UBE3C: variants seen among roughly 807,000 people sequenced by gnomAD.
UBE3C encodes ubiquitin protein ligase E3C.
Under a neutral mutation model 129.4 loss-of-function variants are expected in UBE3C, and 42 were observed. The observed-to-expected ratio is 0.32, with a 90% confidence interval of 0.25 to 0.42. The LOEUF is 0.42. Ranked by LOEUF, UBE3C falls within the 10% of genes least tolerant of loss-of-function variation. The pLI, the probability that UBE3C is intolerant of heterozygous loss-of-function variation, is 1.00. For missense variants in UBE3C, 1,049 were observed against 1,319.1 expected (o/e 0.80, Z 3.17); for synonymous variants, 510 against 492.4 (o/e 1.04, Z -0.47).
chr7:157,164,183 T>C (rs1368427416), intron 2 of UBE3C, among the ~76,000 whole-genome samples: 3 of 151,974 alleles, frequency 2.0e-5, no homozygotes, highest in African/African-American at 7.2e-5. Context: ...TTTAAGATAC[T>C]GAGTCTTGCT....
intron 4 of UBE3C, among the ~76,000 whole-genome samples, chr7:157,172,008 G>T (rs1441900140): frequency 6.7e-6 from 1 of 148,408 alleles, no homozygotes; most frequent in Non-Finnish European, 1.5e-5. Flanking sequence ...ACCTGGCCTA[G>T]GTTAAATATG....
intron 22 of UBE3C, among the ~76,000 whole-genome samples, chr7:157,266,900 A>G (rs984386938): frequency 2.6e-5 from 4 of 151,798 alleles, no homozygotes; most frequent in African/African-American, 9.7e-5. Context: ...ACACCTGGCT[A>G]ATTGTTTTGA....
chr7:157,191,206 C>CA (rs770712137), intron 10 of UBE3C, among the ~76,000 whole-genome samples: 7 of 152,196 alleles, frequency 4.6e-5, no homozygotes, highest in Non-Finnish European at 1.0e-4. Flanking sequence ...TTTAGATAAA[C>CA]AGCGGTGCGC....
chr7:157,190,695 TGAA>T (rs1808936516), intron 10 of UBE3C, among the ~76,000 whole-genome samples: 1 of 152,228 alleles, frequency 6.6e-6, no homozygotes, highest in African/African-American at 2.4e-5. Flanking sequence ...TGCATTCTCT[TGAA>T]CAGTGTAGAC....
At chr7:157,163,490 A>G (rs1042530600) in intron 1 of UBE3C, among the ~76,000 whole-genome samples, 7 of 152,148 alleles carry the variant, frequency 4.6e-5, no homozygotes, top group Non-Finnish European at 7.3e-5. Flanking sequence ...AAGATGTCAC[A>G]GCTAGAACTC....
chr7:157,155,816 G>A (rs1314231914), intron 1 of UBE3C, among the ~76,000 whole-genome samples: 1 of 152,200 alleles, frequency 6.6e-6, no homozygotes, highest in Non-Finnish European at 1.5e-5. Context: ...CAGAGCAGTT[G>A]GCTGTGCTCA....
At chr7:157,218,364 G>A (rs1490706110) in intron 14 of UBE3C, among the ~76,000 whole-genome samples, 1 of 150,714 alleles carries the variant, frequency 6.6e-6, no homozygotes, top group Non-Finnish European at 1.5e-5. Flanking sequence ...CAGGAGAATC[G>A]CTTGAACCTG....
chr7:157,210,422 T>C (rs1305625273), intron 13 of UBE3C, among the ~76,000 whole-genome samples: 1 of 152,208 alleles, frequency 6.6e-6, no homozygotes, highest in Non-Finnish European at 1.5e-5. Context: ...AGCTGTTCTT[T>C]TAAGAAAATA....
In UBE3C at chr7:157,182,204, G is replaced by C. The variant is rs1349496398; in HGVS notation, c.867G>C (p.Gln289His). ...HFIIPALADA[Q>H]TVFPYEPFLN... is the part of the protein sequence containing the mutation. ...TCATTCCGGCGCTTGCAGATGCGCA[G>C]ACCGTTTTCCCTTACGAGCCCTTTC... The change falls in exon 8 of 23, where the codon CAG becomes CAC. Residue 289 changes from glutamine (Q) to histidine (H), a missense_variant. Gln to His is a conservative substitution (Grantham distance 24, BLOSUM62 0). Transcript: ENST00000348165. 1 of 1,613,990 alleles carries C rather than the reference G, an allele frequency of 6.2e-7. No individual in the cohort carries two copies. Among genetic ancestry groups the C allele is most frequent in the Non-Finnish European group, 8.5e-7 (1 of 1,180,008 alleles).
At chr7:157,171,702 T>TA (rs1808381398) in intron 4 of UBE3C, among the ~76,000 whole-genome samples, 2 of 29,340 alleles carry the variant, frequency 6.8e-5, no homozygotes, top group African/African-American at 6.8e-4. Context: ...TTTTTTTTTT[T>TA]TTTTTTTTTT....
At chr7:157,248,269 C>G in intron 18 of UBE3C, 99 bp from the exon 19 acceptor site, 7 of 1,083,704 alleles carry the variant, frequency 6.5e-6, no homozygotes, top group Non-Finnish European at 9.5e-6. Context: ...AATACCTGCT[C>G]TCTTAGGATT....
At chr7:157,177,898 A>G (rs1808563556) in intron 5 of UBE3C, among the ~76,000 whole-genome samples, 2 of 150,620 alleles carry the variant, frequency 1.3e-5, no homozygotes, top group Admixed American at 6.6e-5. Flanking sequence ...TGGGTCCCTC[A>G]TTAAAGGTGA....
intron 18 of UBE3C, among the ~76,000 whole-genome samples, chr7:157,232,575 C>T (rs986123077): frequency 4.6e-5 from 7 of 152,216 alleles, no homozygotes; most frequent in Non-Finnish European, 8.8e-5. Flanking sequence ...TGGTCTTTAA[C>T]TCCTGACCTC....
chr7:157,153,996 G>T (rs187306068), intron 1 of UBE3C, among the ~76,000 whole-genome samples: 4 of 101,510 alleles, frequency 3.9e-5, no homozygotes, highest in Non-Finnish European at 6.4e-5. Context: ...GGCCCTGTCT[G>T]GGGGGGGAAA....
intron 21 of UBE3C, among the ~76,000 whole-genome samples, chr7:157,256,161 G>A (rs1456426344): frequency 3.3e-5 from 5 of 151,982 alleles, no homozygotes; most frequent in African/African-American, 1.2e-4. Flanking sequence ...TATTTATTTT[G>A]AGGGCGAATC....
intron 1 of UBE3C, among the ~76,000 whole-genome samples, chr7:157,147,453 A>G (rs537091632): frequency 1.1e-4 from 16 of 152,306 alleles, no homozygotes; most frequent in African/African-American, 3.8e-4. Flanking sequence ...TCCTGCACAG[A>G]TAATCATTTC....
At chr7:157,236,812 A>G (rs186320166) in intron 18 of UBE3C, among the ~76,000 whole-genome samples, 2 of 151,448 alleles carry the variant, frequency 1.3e-5, no homozygotes, top group African/African-American at 2.4e-5. Context: ...GCTCACTGCA[A>G]CCTCCACCTC....
At chr7:157,225,686 C>A in intron 17 of UBE3C, 147 bp downstream of exon 17, 1 of 940,062 alleles carries the variant, frequency 1.1e-6, no homozygotes, top group Non-Finnish European at 1.5e-6. Context: ...TGGCAGCTCA[C>A]ACCTATAATC....
At chr7:157,179,961 G>T (rs1341251640) in intron 6 of UBE3C, among the ~76,000 whole-genome samples, 1 of 152,178 alleles carries the variant, frequency 6.6e-6, no homozygotes, top group African/African-American at 2.4e-5. Flanking sequence ...ATTAAAAGTG[G>T]TTCATTGTGT....
Sources: allele counts gnomAD v4.1 joint callset (sites outside exome capture counted in the v4.1 genomes callset), GRCh38; gene constraint gnomAD v4.1.1; transcripts MANE v1.5; gene names NCBI Gene and HGNC (gene_info 2026-07-23, HGNC 2026-07-21).